VWA5B1: variants seen among roughly 807,000 people sequenced by gnomAD.
VWA5B1 encodes the protein von Willebrand factor A domain-containing protein 5B1.
VWA5B1 carries 115 observed loss-of-function variants against 118.2 expected under a neutral mutation model. The observed-to-expected ratio is 0.97, with a 90% CI of 0.84 to 1.14. VWA5B1 has a LOEUF of 1.14. Among genes scored for constraint, VWA5B1 ranks in the 50% most tolerant of loss-of-function variants. VWA5B1 has a pLI of 0.00. For missense variants in VWA5B1, 1,596 were observed against 1,603.8 expected (o/e 1.00, Z 0.08); for synonymous variants, 682 against 658.4 (o/e 1.04, Z -0.55).
At position 20,323,534 on chromosome 1, in the gene VWA5B1, T is replaced by C; in HGVS notation, c.1143+2T>C. Reference sequence around the variant, plus strand: ...GGGATCAGCATGCACCGAGTCAAGGTACCTGCTGAGAGAACCCCTCCCGAG... The same window carrying C: ...GGGATCAGCATGCACCGAGTCAAGGCACCTGCTGAGAGAACCCCTCCCGAG... On this transcript the variant is annotated splice_donor_variant, in intron 8 of 21. Transcript: ENST00000289815. LOFTEE classifies it high-confidence loss of function. The C allele has an allele frequency of 1.4e-6, 2 of 1,427,330 alleles. No homozygotes were observed. The highest frequency in any genetic ancestry group is 1.8e-6 in the Non-Finnish European group (2 of 1,081,314). The allele number at this position is 1,427,330 out of a possible 1,614,324, so 88.4% of individuals were successfully genotyped here.
intron 6 of VWA5B1, 66 bp from the exon 7 acceptor site, chr1:20,319,316 A>G: frequency 5.2e-6 from 8 of 1,536,430 alleles, no homozygotes; most frequent in South Asian, 1.2e-5. Context: ...CACCTAAACC[A>G]AAGCCCCCAG....
chr1:20,312,470 C>T (rs2088876872), intron 2 of VWA5B1, among the ~76,000 whole-genome samples: 1 of 152,178 alleles, frequency 6.6e-6, no homozygotes, highest in Admixed American at 6.5e-5. Context: ...CCTCCAAAGC[C>T]CCAATCTTCC....
intron 14 of VWA5B1, among the ~76,000 whole-genome samples, chr1:20,341,036 G>A (rs544916045): frequency 1.7e-4 from 26 of 152,224 alleles, no homozygotes; most frequent in Non-Finnish European, 1.5e-5. Flanking sequence ...TGTAATCATC[G>A]CCACAATGAG....
At position 20,312,899 on chromosome 1, in the gene VWA5B1, A is replaced by G. The variant is rs976938280; in HGVS notation, c.203A>G (p.Asp68Gly). The change falls in exon 3 of 22, where the codon GAC becomes GGC. Residue 68 changes from aspartate (D) to glycine (G), a missense_variant. Physicochemically the swap from Asp to Gly is moderately conservative, Grantham distance 94 (BLOSUM62 -1). Coordinates refer to ENST00000289815, the MANE Select transcript of VWA5B1 (RefSeq NM_001039500.3). ...TVIGFEAVIA[D>G]RVVTVQIKDK... ...ATCGGCTTTGAGGCAGTCATTGCCG[A>G]CCGTGTCGTGACAGTACAGATCAAG... is the stretch of plus-strand genomic sequence containing the variant. 8 of 1,551,510 alleles carry G rather than the reference A, an allele frequency of 5.2e-6. No individual in the cohort carries two copies. Among genetic ancestry groups the G allele is most frequent in the African/African-American group, 4.1e-5 (3 of 73,036 alleles).
At chr1:20,327,464 C>G (rs1223065157) in intron 8 of VWA5B1, among the ~76,000 whole-genome samples, 1 of 152,114 alleles carries the variant, frequency 6.6e-6, no homozygotes, top group Admixed American at 6.5e-5. Context: ...CACAGTGTGA[C>G]CTGGACCAGG....
chr1:20,345,612 C>T lies in VWA5B1; in HGVS notation c.2764+19C>T, dbSNP rs878872302. The T allele has an allele frequency of 4.6e-5, 71 of 1,527,896 alleles. No homozygotes were observed. The highest frequency in any genetic ancestry group is 4.3e-4 in the Admixed American group (21 of 48,814). The allele number at this position is 1,527,896 out of a possible 1,614,324, so 94.6% of individuals were successfully genotyped here. ...AACTCTGGTAAGGCAGGCGAGCGGCCGGGGGCACTCCTGGGGGCCAAGCAG... is the reference window on the plus strand; with the variant it reads ...AACTCTGGTAAGGCAGGCGAGCGGCTGGGGGCACTCCTGGGGGCCAAGCAG... On this transcript the variant is annotated intron_variant, in intron 17 of 21. Transcript: ENST00000289815.
intron 9 of VWA5B1, among the ~76,000 whole-genome samples, chr1:20,328,623 C>A (rs2089457472): frequency 6.6e-6 from 1 of 152,066 alleles, no homozygotes; most frequent in Non-Finnish European, 1.5e-5. Flanking sequence ...TTTAAAAATG[C>A]AAGAATAATA....
rs1318140686 is a variant in VWA5B1, at chr1:20,319,903, C to A, written c.966+397C>A. Among the ~76,000 whole-genome samples, 3 of 152,192 alleles carry A rather than the reference C, an allele frequency of 2.0e-5. No homozygotes were observed. In the East Asian group the frequency reaches 5.8e-4, roughly 29 times the overall value. On this transcript the variant is annotated intron_variant, in intron 7 of 21. Coordinates refer to ENST00000289815, the MANE Select transcript of VWA5B1 (RefSeq NM_001039500.3). ...CTGGGTAGCCTCTTGCTCTTCCTCC[C>A]TCTGGGGCCCTTGCTTGCTATGACA...
At position 20,314,457 on chromosome 1, in the gene VWA5B1, T is replaced by A. The variant is rs1403750348; in HGVS notation, c.428T>A (p.Ile143Asn). 1 of 1,551,792 alleles carries A rather than the reference T, an allele frequency of 6.4e-7. No homozygotes were observed. Residue 143 changes from isoleucine to asparagine, a missense_variant, in exon 4 of 22, where the codon ATC becomes AAC. By Grantham distance (149) the Ile-to-Asn change is moderately radical. Transcript: ENST00000289815. ...ATTGCCCCCATGGAGAATGTCACCA[T>A]CTTCATCAGCACCTCCTCGGAGCTC... ...GTIAPMENVT[I>N]FISTSSELPT...
At chr1:20,319,783 G>A (rs2089149591) in intron 7 of VWA5B1, among the ~76,000 whole-genome samples, 1 of 152,180 alleles carries the variant, frequency 6.6e-6, no homozygotes, top group South Asian at 2.1e-4. Context: ...TATATATGGT[G>A]GCAGAATGGC....
At position 20,314,425 on chromosome 1, in the gene VWA5B1, G is replaced by A. The variant is rs1188013112; in HGVS notation, c.396G>A (p.Leu132=). ...DLERILFVAN[L]GTIAPMENVT... is the part of the protein sequence containing the mutation. ...AGCGGATCCTGTTCGTGGCCAACCTGGGGACCATTGCCCCCATGGAGAATG... is the reference window on the plus strand; with the variant it reads ...AGCGGATCCTGTTCGTGGCCAACCTAGGGACCATTGCCCCCATGGAGAATG... Residue 132 remains leucine, a synonymous_variant, in exon 4 of 22, where the codon CTG becomes CTA. Coordinates refer to ENST00000289815, the MANE Select transcript of VWA5B1 (RefSeq NM_001039500.3). The A allele has an allele frequency of 6.4e-7, 1 of 1,551,782 alleles. No individual in the cohort carries two copies. The highest frequency in any genetic ancestry group is 8.7e-7 in the Non-Finnish European group (1 of 1,147,036).
At chr1:20,317,199 T>G (rs1335108610) in intron 4 of VWA5B1, among the ~76,000 whole-genome samples, 1 of 150,262 alleles carries the variant, frequency 6.7e-6, no homozygotes, top group Non-Finnish European at 1.5e-5. Context: ...CTTGTGCCAG[T>G]TACCTCACCA....
In VWA5B1 at chr1:20,336,431, C is replaced by T; in HGVS notation, c.1887C>T (p.Ile629=). 2.0e-6 allele frequency: 3 copies of T among 1,506,980 alleles called. No homozygotes were observed. The highest frequency in any genetic ancestry group is 2.7e-6 in the Non-Finnish European group (3 of 1,123,160). The allele number at this position is 1,506,980 out of a possible 1,614,324, so 93.4% of individuals were successfully genotyped here. A position where few individuals can be genotyped will look rare whatever the true frequency, so the allele number is the denominator to read the frequency against. ...CCAAGAACTCGGGGGCACCCTTCAT[C>T]CTAGGGCAGGCCAAAAATGCCCGGC... is the stretch of plus-strand genomic sequence containing the variant. ...DCAKNSGAPF[I]LGQAKNARLA... is the part of the protein sequence containing the mutation. Residue 629 remains isoleucine (I), a synonymous_variant, in exon 13 of 22, where the codon ATC becomes ATT. Coordinates refer to ENST00000289815, the MANE Select transcript of VWA5B1 (RefSeq NM_001039500.3).
chr1:20,297,969 A>G (rs531534476), intron 1 of VWA5B1, among the ~76,000 whole-genome samples: 1 of 132,398 alleles, frequency 7.6e-6, no homozygotes, highest in South Asian at 2.5e-4. Context: ...GAGGCTCATT[A>G]TGATTACTTT....
At chr1:20,340,517 G>A (rs2089848014) in intron 14 of VWA5B1, among the ~76,000 whole-genome samples, 1 of 152,116 alleles carries the variant, frequency 6.6e-6, no homozygotes, top group South Asian at 2.1e-4. Flanking sequence ...AGCACGGTCC[G>A]CCTCCTAATA....
rs775782282 is a variant in VWA5B1, at chr1:20,314,305, G to A, written c.293-17G>A. Reference sequence around the variant, plus strand: ...AGATAATCTATGTACAGCCCCTGACGCCAGCCTGGCACTTAGGGAACATTC... The same window carrying A: ...AGATAATCTATGTACAGCCCCTGACACCAGCCTGGCACTTAGGGAACATTC... On this transcript the variant is annotated splice_polypyrimidine_tract_variant and intron_variant, in intron 3 of 21. Transcript: ENST00000289815. 98 of 1,550,964 alleles carry A rather than the reference G, an allele frequency of 6.3e-5. No homozygotes were observed. Among genetic ancestry groups the A allele is most frequent in the Middle Eastern group, 3.3e-4 (2 of 6,010 alleles).
Position 20,314,350 on chromosome 1 carries a change from A to T in VWA5B1, c.321A>T (p.Ile107=), listed in dbSNP as rs866022108. 2.1e-5 allele frequency: 32 copies of T among 1,551,818 alleles called. No individual in the cohort carries two copies. The African/African-American group carries it at 3.6e-4, about 17-fold the overall frequency. The change falls in exon 4 of 22, where the codon ATA becomes ATT. Residue 107 remains isoleucine, a synonymous_variant. Coordinates refer to ENST00000289815, the MANE Select transcript of VWA5B1 (RefSeq NM_001039500.3). Reference sequence around the variant, plus strand: ...ACATTCTGCAAGACGGGGTTTCCATAGCCCCTCATTCCTGCACACCGGGAA... The same window carrying T: ...ACATTCTGCAAGACGGGGTTTCCATTGCCCCTCATTCCTGCACACCGGGAA... ...TGNILQDGVS[I]APHSCTPGKV... is the part of the protein sequence containing the mutation.
chr1:20,341,882 A>T (rs10916770), intron 14 of VWA5B1, among the ~76,000 whole-genome samples: 23,319 of 152,216 alleles, frequency 0.15, 2,425 homozygotes, highest in East Asian at 0.38. Context: ...GAAAAACTGC[A>T]TTCAATAAAT....
rs1242108716 is a variant in VWA5B1 at position 20,353,860 on chromosome 1, G to C, written c.3245G>C (p.Cys1082Ser). The C allele has an allele frequency of 2.6e-6, 4 of 1,540,980 alleles. No individual in the cohort carries two copies. The East Asian group carries it at 9.8e-5, about 38-fold the overall frequency. ...EKLKWTSPFT[C>S]HRVSLTTRPS... ...CTCAAGTGGACGTCCCCCTTCACCT[G>C]CCATCGAGTGTCCCTCACCACCCGC... The change falls in exon 22 of 22, where the codon TGC (cysteine) becomes TCC (serine). Residue 1082 changes from cysteine to serine, a missense_variant. Coordinates refer to ENST00000289815, the MANE Select transcript of VWA5B1 (RefSeq NM_001039500.3).
Sources: gnomAD v4.1 joint callset for allele counts (sites outside exome capture counted in the v4.1 genomes callset) on GRCh38, gnomAD v4.1.1 for gene constraint, MANE v1.5 for transcripts, NCBI Gene and HGNC (gene_info 2026-07-23, HGNC 2026-07-21) for gene names.